AKAP13: variants seen among roughly 807,000 people sequenced by gnomAD.
The protein encoded by AKAP13 is A-kinase anchor protein 13.
A neutral mutation model predicts 264.5 loss-of-function variants in AKAP13; 80 were observed. The observed-to-expected ratio is 0.30, with a 90% CI of 0.25 to 0.36. The LOEUF is 0.36. AKAP13 is among the 10% of genes least tolerant of loss of function. The pLI is 1.00. For missense variants in AKAP13, 3,712 were observed against 3,435.2 expected (o/e 1.08, Z -2.01); for synonymous variants, 1,380 against 1,250.2 (o/e 1.10, Z -2.19).
At chr15:85,381,166 C>A (rs1295889826) in intron 1 of AKAP13, among the ~76,000 whole-genome samples, 3 of 152,068 alleles carry the variant, frequency 2.0e-5, no homozygotes, top group Admixed American at 6.5e-5. Context: ...TGCCCCGGGT[C>A]CCCGGGTCGG....
intron 1 of AKAP13, among the ~76,000 whole-genome samples, chr15:85,412,556 A>G (rs760619321): frequency 1.1e-4 from 17 of 152,258 alleles, no homozygotes; most frequent in Non-Finnish European, 2.5e-4. Flanking sequence ...TTTAAAATGA[A>G]GTAATATTTT....
intron 1 of AKAP13, among the ~76,000 whole-genome samples, chr15:85,383,410 T>C (rs1366708677): frequency 6.6e-6 from 1 of 152,218 alleles, no homozygotes; most frequent in Non-Finnish European, 1.5e-5. Context: ...AGTGAAACTA[T>C]GTGAGGTACT....
intron 5 of AKAP13, among the ~76,000 whole-genome samples, chr15:85,571,043 A>C (rs1233268304): frequency 6.6e-6 from 1 of 151,888 alleles, no homozygotes; most frequent in Non-Finnish European, 1.5e-5. Context: ...AGGTCTTTTG[A>C]GAATGAAGTA....
intron 1 of AKAP13, among the ~76,000 whole-genome samples, chr15:85,446,733 C>T (rs1443097026): frequency 7.5e-6 from 1 of 133,264 alleles, no homozygotes; most frequent in Non-Finnish European, 1.5e-5. Flanking sequence ...TTTTTTGAGA[C>T]AGAGTCTCGC....
At chr15:85,715,989 A>G in intron 20 of AKAP13, 66 bp downstream of exon 20, 1 of 1,521,052 alleles carries the variant, frequency 6.6e-7, no homozygotes, top group Non-Finnish European at 8.8e-7. Context: ...TAATCACATC[A>G]TATGACAAAA....
chr15:85,587,301 C>CA (rs1428881355), intron 8 of AKAP13, among the ~76,000 whole-genome samples: 14 of 152,228 alleles, frequency 9.2e-5, no homozygotes, highest in Non-Finnish European at 1.3e-4. Context: ...AATGGTATAA[C>CA]ACAATATGTG....
At chr15:85,536,026 T>A (rs2077385869) in intron 4 of AKAP13, 1 of 152,242 alleles carries the variant, frequency 6.6e-6, no homozygotes. Flanking sequence ...GGTCTTGAAC[T>A]CCTGAGCTCA....
intron 5 of AKAP13, among the ~76,000 whole-genome samples, chr15:85,571,761 C>T (rs953042575): frequency 2.6e-5 from 4 of 152,196 alleles, no homozygotes; most frequent in Non-Finnish European, 4.4e-5. Flanking sequence ...TACATACTTG[C>T]TGAATGAATG....
chr15:85,743,585 T>G lies in AKAP13; in HGVS notation c.8152T>G (p.Ser2718Ala). The G allele has an allele frequency of 6.2e-7, 1 of 1,614,068 alleles. No homozygotes were observed. Among genetic ancestry groups the G allele is most frequent in the Non-Finnish European group, 8.5e-7 (1 of 1,180,010 alleles). ...GCCATCTGCACCTTCCATAGCCAAA[T>G]CAGGGTCATTGGACTCAGAACTTTC... is the stretch of plus-strand genomic sequence containing the variant. ...PSPSAPSIAKSGSLDSELSVS... is the reference protein window; with the variant it reads ...PSPSAPSIAKAGSLDSELSVS... Residue 2718 changes from serine to alanine, a missense_variant, in exon 36 of 37, where the codon TCA becomes GCA. Around this residue, in one of 3 missense-constraint regions of AKAP13, gnomAD observed 611 missense variants for 539.3 expected, o/e 1.13. Coordinates refer to ENST00000394518, the MANE Select transcript of AKAP13 (RefSeq NM_007200.5).
intron 17 of AKAP13, among the ~76,000 whole-genome samples, chr15:85,694,510 G>GA (rs2085464029): frequency 4.6e-5 from 7 of 152,198 alleles, no homozygotes; most frequent in Non-Finnish European, 1.0e-4. Context: ...TTTTTGTTAT[G>GA]TAATAGTTTT....
chr15:85,741,484 G>A lies in AKAP13; in HGVS notation c.8047G>A (p.Asp2683Asn), dbSNP rs369342053. 1 of 1,590,708 alleles carries A rather than the reference G, an allele frequency of 6.3e-7. No homozygotes were observed. Among genetic ancestry groups the A allele is most frequent in the Non-Finnish European group, 8.6e-7 (1 of 1,164,406 alleles). The change falls in exon 35 of 37, where the codon GAC (aspartate) becomes AAC (asparagine). Residue 2683 changes from aspartate (D) to asparagine (N), a missense_variant. This residue lies in a region of AKAP13 where 611 missense variants were observed against 539.3 expected (regional missense o/e 1.13). Transcript: ENST00000394518. ...GCTCAGCCAGCGGCAGACAGAACGGGACCTGTGTCAGGTAATGGGACTCCC... is the reference window on the plus strand; with the variant it reads ...GCTCAGCCAGCGGCAGACAGAACGGAACCTGTGTCAGGTAATGGGACTCCC... ...ERLSQRQTER[D>N]LCQVSHPHTK...
chr15:85,605,475 G>A (rs2151378123), intron 8 of AKAP13, among the ~76,000 whole-genome samples: 1 of 152,278 alleles, frequency 6.6e-6, no homozygotes, highest in Non-Finnish European at 1.5e-5. Context: ...CCTGTTGTGG[G>A]GTGAGGTGGG....
chr15:85,440,022 A>C (rs1273021065), intron 1 of AKAP13, among the ~76,000 whole-genome samples: 1 of 152,064 alleles, frequency 6.6e-6, no homozygotes, highest in African/African-American at 2.4e-5. Flanking sequence ...GTCACTGAAA[A>C]GTTAAGGAAG....
In AKAP13 at chr15:85,747,370, C is replaced by CCA. The variant is rs2089400178; in HGVS notation, c.*2693_*2694insCA. 1 of 144,142 alleles carries CCA rather than the reference C, an allele frequency of 6.9e-6. No individual in the cohort carries two copies. The highest frequency in any genetic ancestry group is 1.5e-5 in the Non-Finnish European group (1 of 65,326). The allele number at this position is 144,142 out of a possible 1,614,324, so 8.9% of individuals were successfully genotyped here. A position where few individuals can be genotyped will look rare whatever the true frequency, so the allele number is the denominator to read the frequency against. Reference sequence around the variant, plus strand: ...TGGATCTAATGGCCTGTCTTGGTTTCTATCACATGAGAAGGGGTTGTTTTT... The same window carrying CCA: ...TGGATCTAATGGCCTGTCTTGGTTTCCATATCACATGAGAAGGGGTTGTTTTT... On this transcript the variant is annotated 3_prime_UTR_variant, in exon 37 of 37. Coordinates refer to ENST00000394518, the MANE Select transcript of AKAP13 (RefSeq NM_007200.5).
intron 2 of AKAP13, among the ~76,000 whole-genome samples, chr15:85,504,678 C>T (rs1441287842): frequency 1.5e-5 from 2 of 137,764 alleles, no homozygotes; most frequent in Non-Finnish European, 3.1e-5. Flanking sequence ...GGTGACAGGG[C>T]CCAACACCCT....
chr15:85,635,503 A>G (rs2082033188), intron 8 of AKAP13, among the ~76,000 whole-genome samples: 1 of 151,986 alleles, frequency 6.6e-6, no homozygotes, highest in Non-Finnish European at 1.5e-5. Context: ...ATTTTCCTTC[A>G]GTTTTTAGTT....
At chr15:85,696,170 C>G (rs2085556737) in intron 17 of AKAP13, among the ~76,000 whole-genome samples, 1 of 152,078 alleles carries the variant, frequency 6.6e-6, no homozygotes, top group Non-Finnish European at 1.5e-5. Context: ...TTAGTATTGT[C>G]TTTGATTCAT....
intron 5 of AKAP13, 33 bp from the exon 6 acceptor site, chr15:85,575,098 G>GTA: frequency 6.2e-7 from 1 of 1,600,490 alleles, no homozygotes; most frequent in Non-Finnish European, 8.6e-7. Context: ...GAGGCAGAAT[G>GTA]TATATATATT....
intron 25 of AKAP13, 140 bp downstream of exon 25, chr15:85,722,487 T>G: frequency 1.3e-6 from 1 of 742,760 alleles, no homozygotes; most frequent in Non-Finnish European, 2.1e-6. Flanking sequence ...TGAATTTTGT[T>G]GAATGAAAAT....
Sources: allele counts gnomAD v4.1 joint callset (sites outside exome capture counted in the v4.1 genomes callset), GRCh38; gene constraint gnomAD v4.1.1; regional missense constraint gnomAD v4.1.1; transcripts MANE v1.5; gene names NCBI Gene and HGNC (gene_info 2026-07-23, HGNC 2026-07-21).